The following RBFOX1 variants were observed in gnomAD, a reference collection of about 807,000 sequenced individuals.
The protein encoded by RBFOX1 is RNA binding protein fox-1 homolog 1.
Under a neutral mutation model 57.7 loss-of-function variants are expected in RBFOX1, and 8 were observed. That is an observed-to-expected ratio of 0.14 (90% CI 0.08 to 0.25). The LOEUF (loss-of-function observed/expected upper bound fraction) is 0.25, where lower values mean the gene tolerates loss of function less well. RBFOX1 is among the 10% of genes least tolerant of loss of function. RBFOX1 has a pLI of 1.00. For missense variants in RBFOX1, 611 were observed against 548.5 expected (o/e 1.11, Z -1.14); for synonymous variants, 326 against 222.4 (o/e 1.47, Z -4.15).
intron 4 of RBFOX1, among the ~76,000 whole-genome samples, chr16:5,998,452 A>G (rs544287176): frequency 3.9e-5 from 6 of 152,390 alleles, no homozygotes; most frequent in African/African-American, 9.6e-5. Context: ...GCGAACTTCT[A>G]TCTTGAGTGT....
intron 4 of RBFOX1, among the ~76,000 whole-genome samples, chr16:7,110,158 T>A (rs1393247120): frequency 1.4e-5 from 2 of 141,320 alleles, no homozygotes; most frequent in Non-Finnish European, 3.0e-5. Flanking sequence ...GAGACCAGCC[T>A]GGGCAACATA....
chr16:7,577,400 A>T (rs954266018), intron 5 of RBFOX1, among the ~76,000 whole-genome samples: 1 of 152,148 alleles, frequency 6.6e-6, no homozygotes, highest in African/African-American at 2.4e-5. Context: ...ACTCTCCTGA[A>T]TCCAAGACAT....
chr16:5,682,813 C>A (rs373997948), intron 3 of RBFOX1, among the ~76,000 whole-genome samples: 5 of 152,200 alleles, frequency 3.3e-5, no homozygotes, highest in Admixed American at 1.3e-4. Context: ...CCAGAACTGG[C>A]AGTCTGATAT....
At chr16:5,257,811 C>T (rs574679853) in intron 1 of RBFOX1, among the ~76,000 whole-genome samples, 2 of 152,038 alleles carry the variant, frequency 1.3e-5, no homozygotes, top group Non-Finnish European at 2.9e-5. Context: ...TGCACCAAGC[C>T]GGGAGACGGT....
chr16:7,686,675 A>G (rs1598085666), intron 14 of RBFOX1, among the ~76,000 whole-genome samples: 1 of 152,136 alleles, frequency 6.6e-6, no homozygotes. Context: ...CTGTTTTTAT[A>G]TCTCAATTTT....
intron 3 of RBFOX1, among the ~76,000 whole-genome samples, chr16:5,709,841 ATATTTTTTTTTTTTTTTT>A (rs1377066979): frequency 1.6e-3 from 9 of 5,700 alleles, no homozygotes; most frequent in Non-Finnish European, 3.6e-3. Context: ...ATATATATAT[ATATTTTTTTTTTTTTTTT>A]TTTTTTTTTT....
At chr16:6,904,088 G>T (rs928850042) in intron 3 of RBFOX1, among the ~76,000 whole-genome samples, 4 of 152,202 alleles carry the variant, frequency 2.6e-5, no homozygotes, top group African/African-American at 9.7e-5. Context: ...CAGCAAGTCG[G>T]ATGCTCTTAT....
intron 4 of RBFOX1, among the ~76,000 whole-genome samples, chr16:7,426,824 T>C (rs1019719341): frequency 6.6e-5 from 10 of 152,152 alleles, no homozygotes; most frequent in Non-Finnish European, 5.9e-5. Context: ...GCAGGCTGTC[T>C]GGGGGACAGG....
intron 1 of RBFOX1, among the ~76,000 whole-genome samples, chr16:6,067,579 A>T (rs1479916782): frequency 1.3e-5 from 2 of 152,110 alleles, no homozygotes; most frequent in African/African-American, 4.8e-5. Context: ...GGAGAGAGAG[A>T]TTTTTTGTTT....
intron 4 of RBFOX1, among the ~76,000 whole-genome samples, chr16:7,454,128 G>C (rs1214251692): frequency 6.6e-6 from 1 of 152,200 alleles, no homozygotes; most frequent in East Asian, 1.9e-4. Flanking sequence ...AGCTACTCAG[G>C]AGGCTAAGGC....
intron 3 of RBFOX1, among the ~76,000 whole-genome samples, chr16:6,861,492 C>CG (rs201458135): frequency 6.6e-6 from 1 of 151,254 alleles, no homozygotes; most frequent in Non-Finnish European, 1.5e-5. Context: ...CCCCCTCCCC[C>CG]CCCGACTCAA....
At position 5,622,549 on chromosome 16, in the gene RBFOX1, G is replaced by A. The variant is rs548492373; in HGVS notation, c.318+23588G>A. ...AAGTTGACTCTTGTCCTTTTCTCTA[G>A]TGGTACTTTTTAAAAAATCCATTTA... On this transcript the variant is annotated intron_variant, in intron 3 of 19. Transcript: ENST00000641259. Among the ~76,000 whole-genome samples the A allele has an allele frequency of 2.0e-5, 3 of 152,352 alleles. No individual in the cohort carries two copies. In the South Asian group the frequency reaches 6.2e-4, roughly 32 times the overall value.
intron 4 of RBFOX1, among the ~76,000 whole-genome samples, chr16:5,982,842 T>C (rs2060200611): frequency 6.6e-6 from 1 of 152,244 alleles, no homozygotes; most frequent in African/African-American, 2.4e-5. Flanking sequence ...TTTGCTGTGT[T>C]CACTATTATA....
intron 4 of RBFOX1, among the ~76,000 whole-genome samples, chr16:7,118,470 G>A (rs889295164): frequency 1.3e-5 from 2 of 152,072 alleles, no homozygotes; most frequent in South Asian, 2.1e-4. Context: ...ATTACCTATC[G>A]GGTACAAGGT....
chr16:6,047,946 C>T (rs532777211), intron 1 of RBFOX1, among the ~76,000 whole-genome samples: 1 of 152,276 alleles, frequency 6.6e-6, no homozygotes, highest in South Asian at 2.1e-4. Context: ...AGTGACATGT[C>T]TGCATGTTGG....
At chr16:6,993,811 T>G (rs1327859571) in intron 3 of RBFOX1, among the ~76,000 whole-genome samples, 2 of 152,192 alleles carry the variant, frequency 1.3e-5, no homozygotes, top group African/African-American at 4.8e-5. Flanking sequence ...TTGCTGCATT[T>G]GATAGTATGC....
chr16:6,213,430 A>T (rs1191244756), intron 1 of RBFOX1, among the ~76,000 whole-genome samples: 1 of 152,098 alleles, frequency 6.6e-6, no homozygotes, highest in Non-Finnish European at 1.5e-5. Context: ...TACAACCGGC[A>T]ATATGGAAAA....
At chr16:7,420,150 T>C (rs2098526406) in intron 4 of RBFOX1, among the ~76,000 whole-genome samples, 1 of 152,120 alleles carries the variant, frequency 6.6e-6, no homozygotes, top group Non-Finnish European at 1.5e-5. Context: ...GCTTTGGATA[T>C]ATGCTCTCTC....
Position 5,998,690 on chromosome 16 carries a change from T to C in RBFOX1, c.351+131355T>C, listed in dbSNP as rs1373130932. 3.9e-5 allele frequency among the ~76,000 whole-genome samples: 6 copies of C among 152,210 alleles called. No individual in the cohort carries two copies. In the East Asian group the frequency reaches 9.6e-4, roughly 24 times the overall value. The stretch of plus-strand genomic sequence containing the variant: ...TGTTGTCGTCCCATCCGAATGTCCT[T>C]TCTGCTTACAGAATATGAGAACTTT... On this transcript the variant is annotated intron_variant, in intron 4 of 19. Coordinates refer to the RBFOX1 transcript ENST00000641259.
Sources: allele counts gnomAD v4.1 joint callset (sites outside exome capture counted in the v4.1 genomes callset), GRCh38; gene constraint gnomAD v4.1.1; transcripts MANE v1.5; gene names NCBI Gene and HGNC (gene_info 2026-07-23, HGNC 2026-07-21).